Variants in GRK3 observed in about 807,000 individuals in gnomAD.
GRK3 encodes the protein G protein-coupled receptor kinase 3.
In GRK3, 54 loss-of-function variants were observed where a neutral mutation model predicts 95.7. The observed-to-expected ratio is 0.56, with a 90% CI of 0.45 to 0.71. The LOEUF is 0.71. GRK3 is among the 30% of genes least tolerant of loss of function. The pLI, the probability that GRK3 is intolerant of heterozygous loss-of-function variation, is 0.00. For missense variants in GRK3, 649 were observed against 851.2 expected (o/e 0.76, Z 2.96); for synonymous variants, 281 against 290.8 (o/e 0.97, Z 0.34).
intron 2 of GRK3, among the ~76,000 whole-genome samples, chr22:25,639,264 TA>T (rs2084725997): frequency 6.6e-6 from 1 of 152,232 alleles, no homozygotes; most frequent in Admixed American, 6.5e-5. Flanking sequence ...ATCTTTTGCA[TA>T]AAGATTTTCT....
intron 2 of GRK3, among the ~76,000 whole-genome samples, chr22:25,607,261 C>T (rs942066144): frequency 1.3e-5 from 2 of 152,160 alleles, no homozygotes; most frequent in South Asian, 2.1e-4. Context: ...CTTATACAGC[C>T]GCAGTACCTT....
At chr22:25,674,326 C>G (rs1245576138) in intron 7 of GRK3, 111 bp from the exon 8 acceptor site, 2 of 840,474 alleles carry the variant, frequency 2.4e-6, no homozygotes, top group East Asian at 2.7e-5. Context: ...AGGGTAGATC[C>G]CTAAGTCAGA....
intron 1 of GRK3, among the ~76,000 whole-genome samples, chr22:25,575,906 C>T (rs182132191): frequency 5.9e-4 from 89 of 152,130 alleles, no homozygotes; most frequent in African/African-American, 1.7e-3. Context: ...TGTCACTGTA[C>T]TAAGCATCTG....
At chr22:25,696,885 T>C (rs2085213385) in intron 13 of GRK3, among the ~76,000 whole-genome samples, 1 of 152,274 alleles carries the variant, frequency 6.6e-6, no homozygotes, top group Non-Finnish European at 1.5e-5. Context: ...TGGCTTTAAT[T>C]CATGTCATCA....
At chr22:25,700,964 A>G (rs909005601) in intron 13 of GRK3, among the ~76,000 whole-genome samples, 6 of 152,352 alleles carry the variant, frequency 3.9e-5, no homozygotes, top group Admixed American at 2.6e-4. Flanking sequence ...TTGCCCATGA[A>G]AATGATGTAG....
At chr22:25,687,404 G>T in intron 10 of GRK3, 133 bp from the exon 11 acceptor site, 2 of 825,418 alleles carry the variant, frequency 2.4e-6, no homozygotes, top group Non-Finnish European at 3.7e-6. Context: ...CTACAGGAAT[G>T]AAACATAGGT....
At chr22:25,719,466 C>G (rs2085413679) in intron 19 of GRK3, among the ~76,000 whole-genome samples, 1 of 152,264 alleles carries the variant, frequency 6.6e-6, no homozygotes, top group South Asian at 2.1e-4. Context: ...GTGTCTCCAC[C>G]TTGTTGAGAA....
chr22:25,606,149 C>T lies in GRK3; in HGVS notation c.190+1696C>T, dbSNP rs1444668773. On this transcript the variant is annotated intron_variant, in intron 2 of 20. Transcript: ENST00000324198. ...AGTGTGGCTGAGTATCTCAGTTGCACGGATTGTTCTCTGAGAGCAGTCTCA... is the reference window on the plus strand; with the variant it reads ...AGTGTGGCTGAGTATCTCAGTTGCATGGATTGTTCTCTGAGAGCAGTCTCA... Among the ~76,000 whole-genome samples the T allele has an allele frequency of 4.6e-5, 7 of 152,180 alleles. No homozygotes were observed. In the South Asian group the frequency reaches 1.0e-3, roughly 23 times the overall value.
intron 1 of GRK3, among the ~76,000 whole-genome samples, chr22:25,587,417 A>G (rs552455021): frequency 2.0e-5 from 3 of 151,942 alleles, no homozygotes; most frequent in African/African-American, 7.2e-5. Context: ...TCTTACAACT[A>G]ATTTATTTTA....
At chr22:25,700,453 C>T (rs1354824806) in intron 13 of GRK3, among the ~76,000 whole-genome samples, 2 of 152,248 alleles carry the variant, frequency 1.3e-5, no homozygotes, top group Middle Eastern at 3.4e-3. Context: ...TGGGCAGTGG[C>T]CTAGGGAGAA....
chr22:25,594,272 A>G (rs1047000869), intron 1 of GRK3, among the ~76,000 whole-genome samples: 2 of 152,270 alleles, frequency 1.3e-5, no homozygotes, highest in Admixed American at 6.5e-5. Context: ...TGTATCATCT[A>G]TGATTTCTTT....
chr22:25,664,744 C>T (rs2084931175), intron 5 of GRK3, among the ~76,000 whole-genome samples: 1 of 152,048 alleles, frequency 6.6e-6, no homozygotes, highest in Non-Finnish European at 1.5e-5. Flanking sequence ...TGGTCTTGAT[C>T]TCCTGATCTT....
Position 25,648,589 on chromosome 22 carries a change from A to G in GRK3, c.264+3924A>G, listed in dbSNP as rs1165776893. The G allele has an allele frequency of 6.4e-6, 8 of 1,254,060 alleles. No homozygotes were observed. The African/African-American group carries it at 8.9e-5, about 14-fold the overall frequency. The allele number at this position is 1,254,060 out of a possible 1,614,324, so 77.7% of individuals were successfully genotyped here. On this transcript the variant is annotated intron_variant, in intron 3 of 20. Coordinates refer to ENST00000324198, the MANE Select transcript of GRK3 (RefSeq NM_005160.4). ...GCTCAGGTAATGAAAAAAATAAGACATGGTAAACTTGTTCCACTATATGCT... is the reference window on the plus strand; with the variant it reads ...GCTCAGGTAATGAAAAAAATAAGACGTGGTAAACTTGTTCCACTATATGCT...
chr22:25,673,008 ATTTTTTTTT>A (rs3884806), intron 7 of GRK3, among the ~76,000 whole-genome samples: 71 of 110,498 alleles, frequency 6.4e-4, no homozygotes, highest in Non-Finnish European at 1.0e-3. Flanking sequence ...ATCAACCGGA[ATTTTTTTTT>A]TTTTTTTTTT....
intron 1 of GRK3, among the ~76,000 whole-genome samples, chr22:25,590,090 A>G (rs752166357): frequency 1.3e-5 from 2 of 151,912 alleles, no homozygotes; most frequent in African/African-American, 4.8e-5. Context: ...TCAAATACAT[A>G]GCTAATTTTG....
intron 1 of GRK3, among the ~76,000 whole-genome samples, chr22:25,572,809 A>G (rs1931753202): frequency 6.6e-6 from 1 of 152,222 alleles, no homozygotes; most frequent in Admixed American, 6.5e-5. Context: ...GCTTCATTGT[A>G]TTGTGCATAA....
intron 2 of GRK3, among the ~76,000 whole-genome samples, chr22:25,623,637 T>C (rs189969173): frequency 2.0e-5 from 3 of 152,348 alleles, no homozygotes; most frequent in Admixed American, 6.5e-5. Flanking sequence ...TACACACCTG[T>C]ATTCATGCAC....
chr22:25,588,752 G>A (rs1464288758), intron 1 of GRK3, among the ~76,000 whole-genome samples: 1 of 151,316 alleles, frequency 6.6e-6, no homozygotes, highest in East Asian at 1.9e-4. Flanking sequence ...ATTCTCATTT[G>A]TGTGCTGCTT....
At chr22:25,700,201 G>A (rs181527234) in intron 13 of GRK3, among the ~76,000 whole-genome samples, 14 of 152,296 alleles carry the variant, frequency 9.2e-5, no homozygotes, top group Admixed American at 7.2e-4. Context: ...TGACTGAGCC[G>A]CTCATATGTG....
Sources: gnomAD v4.1 joint callset for allele counts (sites outside exome capture counted in the v4.1 genomes callset) on GRCh38, gnomAD v4.1.1 for gene constraint, MANE v1.5 for transcripts, NCBI Gene and HGNC (gene_info 2026-07-23, HGNC 2026-07-21) for gene names.